The following DCAF10 variants were observed in gnomAD, a reference collection of about 807,000 sequenced individuals.
DCAF10 encodes DDB1 and CUL4 associated factor 10.
DCAF10 carries 19 observed loss-of-function variants against 51.9 expected under a neutral mutation model. The observed-to-expected ratio is 0.37, with a 90% confidence interval of 0.26 to 0.54. DCAF10 has a LOEUF of 0.54. Ranked by LOEUF, DCAF10 falls within the 20% of genes least tolerant of loss-of-function variation. The pLI is 0.87. For missense variants in DCAF10, 510 were observed against 730.6 expected (o/e 0.70, Z 3.48); for synonymous variants, 291 against 297.1 (o/e 0.98, Z 0.21).
chr9:37,837,489 T>A (rs1589101034), intron 2 of DCAF10, among the ~76,000 whole-genome samples: 1 of 151,234 alleles, frequency 6.6e-6, no homozygotes, highest in East Asian at 1.9e-4. Context: ...AAGAAAATTG[T>A]GCAAAGCATA....
Position 37,801,413 on chromosome 9 carries a change from C to A in DCAF10, c.539+8C>A. The A allele has an allele frequency of 6.9e-7, 1 of 1,458,196 alleles. No homozygotes were observed. The highest frequency in any genetic ancestry group is 9.1e-7 in the Non-Finnish European group (1 of 1,102,286). The allele number at this position is 1,458,196 out of a possible 1,614,324, so 90.3% of individuals were successfully genotyped here. On this transcript the variant is annotated splice_region_variant and intron_variant, in intron 1 of 6. Coordinates refer to ENST00000377724, the MANE Select transcript of DCAF10 (RefSeq NM_024345.5). The surrounding 1 kb of genome is among the most constrained non-coding windows in gnomAD (Gnocchi z 5.5). ...CGAGTACTCGCCCGACGGGTAAGCG[C>A]GGCCCCTCGGAGGGCGGGCGCCCGC...
At chr9:37,850,826 TTATATATATATATATATATATATA>T (rs71494679) in intron 3 of DCAF10, among the ~76,000 whole-genome samples, 917 of 45,868 alleles carry the variant, frequency 0.02, 22 homozygotes, top group African/African-American at 0.043. Context: ...AGGATATATT[TTATATATATATATATATATATATA>T]TATATATATA....
At position 37,801,358 on chromosome 9, in the gene DCAF10, C is replaced by T. The variant is rs778807521; in HGVS notation, c.492C>T (p.Ser164=). The T allele has an allele frequency of 3.0e-5, 46 of 1,557,980 alleles. No individual in the cohort carries two copies. The highest frequency in any genetic ancestry group is 3.9e-5 in the Non-Finnish European group (45 of 1,154,978). Reference sequence around the variant, plus strand: ...ACCCCGCGGACTCGGTGTACCTCAGCACCCGCACCCACGGCGCCGTCTTCA... The same window carrying T: ...ACCCCGCGGACTCGGTGTACCTCAGTACCCGCACCCACGGCGCCGTCTTCA... The part of the protein sequence containing the change: ...SIHPADSVYL[S]TRTHGAVFNL... The change falls in exon 1 of 7, where the codon AGC becomes AGT. Residue 164 remains serine, a synonymous_variant. Coordinates refer to ENST00000377724, the MANE Select transcript of DCAF10 (RefSeq NM_024345.5). The surrounding 1 kb of genome is among the most constrained non-coding windows in gnomAD (Gnocchi z 5.5).
At chr9:37,816,429 A>G (rs1267660005) in intron 1 of DCAF10, among the ~76,000 whole-genome samples, 1 of 152,196 alleles carries the variant, frequency 6.6e-6, no homozygotes, top group Non-Finnish European at 1.5e-5. Flanking sequence ...TTTCTACTAA[A>G]AATACAAAAA....
chr9:37,809,236 T>C (rs1371099169), intron 1 of DCAF10, among the ~76,000 whole-genome samples: 1 of 151,970 alleles, frequency 6.6e-6, no homozygotes, highest in African/African-American at 2.4e-5. Context: ...TCAAAACTTG[T>C]GGGATACAAG....
chr9:37,810,443 ATTTC>A (rs1203615300), intron 1 of DCAF10, among the ~76,000 whole-genome samples: 43 of 150,922 alleles, frequency 2.8e-4, no homozygotes, highest in Non-Finnish European at 2.8e-4. Flanking sequence ...GCTGAATGGT[ATTTC>A]TTTCTTTCTT....
At chr9:37,805,797 A>C (rs1386832627) in intron 1 of DCAF10, among the ~76,000 whole-genome samples, 1 of 152,214 alleles carries the variant, frequency 6.6e-6, no homozygotes, top group Middle Eastern at 3.2e-3. Flanking sequence ...TTAAAAGACA[A>C]AGAGTAGCTT....
At chr9:37,803,383 A>C (rs181263193) in intron 1 of DCAF10, among the ~76,000 whole-genome samples, 1 of 152,150 alleles carries the variant, frequency 6.6e-6, no homozygotes, top group East Asian at 1.9e-4. Flanking sequence ...ATTTTTCATT[A>C]GTTTAAATAA....
chr9:37,826,854 G>A (rs1829867151), intron 2 of DCAF10, among the ~76,000 whole-genome samples: 1 of 109,830 alleles, frequency 9.1e-6, no homozygotes, highest in Non-Finnish European at 1.7e-5. Context: ...AGATGGAGTT[G>A]TGCTCTTGTT....
intron 2 of DCAF10, chr9:37,836,090 TA>T: frequency 8.2e-7 from 1 of 1,217,862 alleles, no homozygotes; most frequent in Non-Finnish European, 1.2e-6. Context: ...TGCTTGATGC[TA>T]AAGAACTTGG....
intron 6 of DCAF10, among the ~76,000 whole-genome samples, 173 bp from the exon 7 acceptor site, chr9:37,860,967 A>G (rs1334586712): frequency 6.6e-6 from 1 of 151,922 alleles, no homozygotes; most frequent in Non-Finnish European, 1.5e-5. Context: ...TGAAGATAAG[A>G]AAGTAGGGGG....
In DCAF10 at chr9:37,862,927, C is replaced by T. The variant is rs1269096139; in HGVS notation, c.*1419C>T. ...TCACCTTATGAGATTCTGATTCAGC[C>T]AGGGGGAGGACAGGAATCTGTATTT... On this transcript the variant is annotated 3_prime_UTR_variant, in exon 7 of 7. Transcript: ENST00000377724. 1 of 152,094 alleles carries T rather than the reference C, an allele frequency of 6.6e-6. No homozygotes were observed. Among genetic ancestry groups the T allele is most frequent in the Admixed American group, 6.6e-5 (1 of 15,266 alleles). The allele number at this position is 152,094 out of a possible 1,614,324, so 9.4% of individuals were successfully genotyped here. A position where few individuals can be genotyped will look rare whatever the true frequency, so the allele number is the denominator to read the frequency against.
intron 1 of DCAF10, among the ~76,000 whole-genome samples, chr9:37,814,394 C>T (rs1386180396): frequency 1.4e-5 from 2 of 147,994 alleles, no homozygotes; most frequent in Middle Eastern, 3.2e-3. Flanking sequence ...GTGATCCGCC[C>T]GCCTCGGCCT....
intron 2 of DCAF10, among the ~76,000 whole-genome samples, chr9:37,821,291 C>A (rs922433475): frequency 6.6e-6 from 1 of 152,018 alleles, no homozygotes; most frequent in Non-Finnish European, 1.5e-5. Context: ...AACTTTTAAG[C>A]CTTTAACTTT....
Position 37,864,807 on chromosome 9 carries a change from A to G in DCAF10, c.*3299A>G, listed in dbSNP as rs2118227424. The G allele has an allele frequency of 6.6e-6, 1 of 152,280 alleles. No individual in the cohort carries two copies. The highest frequency in any genetic ancestry group is 2.1e-4 in the South Asian group (1 of 4,830). The allele number at this position is 152,280 out of a possible 1,614,324, so 9.4% of individuals were successfully genotyped here. A position where few individuals can be genotyped will look rare whatever the true frequency, so the allele number is the denominator to read the frequency against. On this transcript the variant is annotated 3_prime_UTR_variant, in exon 7 of 7. Coordinates refer to ENST00000377724, the MANE Select transcript of DCAF10 (RefSeq NM_024345.5). ...GATTCTTTACTATAGAGTACCTATC[A>G]TGTGTCAAATAATATACAGACTTCA...
Position 37,867,140 on chromosome 9 carries a change from G to A in DCAF10, c.*5632G>A, listed in dbSNP as rs1327316609. The A allele has an allele frequency of 7.2e-5, 11 of 152,112 alleles. 1 individual carries two copies. The highest frequency in any genetic ancestry group is 6.2e-4 in the South Asian group (3 of 4,818). The allele number at this position is 152,112 out of a possible 1,614,324, so 9.4% of individuals were successfully genotyped here. On this transcript the variant is annotated 3_prime_UTR_variant, in exon 7 of 7. Transcript: ENST00000377724. ...AGGAAAATCTCAAAGTTACCATTAC[G>A]CTGCTCTCTTGTAAATGAACTAGGG...
upstream of DCAF10, chr9:37,800,762 C>A: frequency 1.3e-6 from 2 of 1,531,114 alleles, no homozygotes; most frequent in South Asian, 1.2e-5. Context: ...GGGTTTCCAG[C>A]CGGTGGGGTT....
chr9:37,842,913 A>G (rs980808346), intron 3 of DCAF10, among the ~76,000 whole-genome samples: 1 of 152,254 alleles, frequency 6.6e-6, no homozygotes, highest in Non-Finnish European at 1.5e-5. Context: ...AGAAATTGAT[A>G]TTTAAAGAGT....
At chr9:37,819,818 A>G (rs1048566029) in intron 2 of DCAF10, among the ~76,000 whole-genome samples, 2 of 152,176 alleles carry the variant, frequency 1.3e-5, no homozygotes, top group African/African-American at 2.4e-5. Context: ...TGCACAGACA[A>G]TTTCTCTGTA....
Sources: allele counts gnomAD v4.1 joint callset (sites outside exome capture counted in the v4.1 genomes callset), GRCh38; gene constraint gnomAD v4.1.1; non-coding constraint Gnocchi (gnomAD v3.1); transcripts MANE v1.5; gene names NCBI Gene and HGNC (gene_info 2026-07-23, HGNC 2026-07-21).